PPFIA2: variants seen among roughly 807,000 people sequenced by gnomAD.
PPFIA2 encodes the protein liprin-alpha-2.
Under a neutral mutation model 175.5 loss-of-function variants are expected in PPFIA2, and 46 were observed. The observed-to-expected ratio is 0.26, with a 90% confidence interval of 0.21 to 0.34. PPFIA2 has a LOEUF of 0.34. Among genes scored for constraint, PPFIA2 ranks in the 10% least tolerant of loss-of-function variants. The pLI is 1.00. For missense variants in PPFIA2, 1,179 were observed against 1,506.1 expected (o/e 0.78, Z 3.60); for synonymous variants, 568 against 511.4 (o/e 1.11, Z -1.49).
intron 3 of PPFIA2, among the ~76,000 whole-genome samples, chr12:81,733,960 A>G (rs750055564): frequency 6.6e-6 from 1 of 151,790 alleles, no homozygotes; most frequent in Non-Finnish European, 1.5e-5. Flanking sequence ...AAACTAGATA[A>G]CGTGCCTGCT....
intron 22 of PPFIA2, among the ~76,000 whole-genome samples, chr12:81,318,018 A>G (rs978276220): frequency 2.6e-5 from 4 of 151,684 alleles, no homozygotes; most frequent in African/African-American, 4.8e-5. Flanking sequence ...GTGATTGCTA[A>G]TAATTCTCCT....
At chr12:81,410,096 G>A (rs1592554156) in intron 7 of PPFIA2, among the ~76,000 whole-genome samples, 4 of 152,076 alleles carry the variant, frequency 2.6e-5, no homozygotes, top group Admixed American at 6.6e-5. Context: ...AGGACGCATT[G>A]TTCAGGGTGC....
intron 5 of PPFIA2, among the ~76,000 whole-genome samples, chr12:81,449,701 C>G (rs1318648506): frequency 6.6e-6 from 1 of 151,962 alleles, no homozygotes; most frequent in Non-Finnish European, 1.5e-5. Flanking sequence ...AGGTTTATTA[C>G]ATATGTATAC....
chr12:81,600,872 C>T (rs2059719730), intron 4 of PPFIA2, among the ~76,000 whole-genome samples: 1 of 151,904 alleles, frequency 6.6e-6, no homozygotes, highest in Non-Finnish European at 1.5e-5. Context: ...AATATAAACT[C>T]CATGTACTTT....
intron 8 of PPFIA2, among the ~76,000 whole-genome samples, chr12:81,403,917 A>C (rs1015547859): frequency 6.6e-6 from 1 of 152,114 alleles, no homozygotes; most frequent in Non-Finnish European, 1.5e-5. Flanking sequence ...GAATCTCTCA[A>C]GTTGCCCATT....
intron 4 of PPFIA2, among the ~76,000 whole-genome samples, chr12:81,462,607 T>TATATATATATATATATAA (rs1566933960): frequency 8.8e-6 from 1 of 113,216 alleles, no homozygotes; most frequent in Non-Finnish European, 2.0e-5. Flanking sequence ...TATATATATA[T>TATATATATATATATATAA]AATATAGCGA....
chr12:81,523,807 A>G (rs1447737262), intron 4 of PPFIA2, among the ~76,000 whole-genome samples: 1 of 152,172 alleles, frequency 6.6e-6, no homozygotes, highest in Non-Finnish European at 1.5e-5. Context: ...TAACCCACCA[A>G]TAGCTGCTAA....
chr12:81,566,793 A>C (rs940365536), intron 4 of PPFIA2, among the ~76,000 whole-genome samples: 1 of 152,150 alleles, frequency 6.6e-6, no homozygotes, highest in Non-Finnish European at 1.5e-5. Context: ...GACTGTATTT[A>C]TACAAGATAC....
chr12:81,396,195 C>T (rs546047227), intron 8 of PPFIA2, among the ~76,000 whole-genome samples: 1 of 152,080 alleles, frequency 6.6e-6, no homozygotes, highest in East Asian at 1.9e-4. Flanking sequence ...TTCTTGAACA[C>T]GTATTTATTA....
At chr12:81,488,598 T>A (rs969616999) in intron 4 of PPFIA2, among the ~76,000 whole-genome samples, 1 of 151,834 alleles carries the variant, frequency 6.6e-6, no homozygotes, top group African/African-American at 2.4e-5. Flanking sequence ...ATTTTACTAA[T>A]TTTGCATTGT....
intron 4 of PPFIA2, among the ~76,000 whole-genome samples, chr12:81,665,600 A>G (rs1185398735): frequency 6.6e-6 from 1 of 152,062 alleles, no homozygotes; most frequent in Non-Finnish European, 1.5e-5. Flanking sequence ...AGTGGTAAAC[A>G]TTTAGAGAGG....
At chr12:81,663,685 C>G (rs545635480) in intron 4 of PPFIA2, among the ~76,000 whole-genome samples, 1 of 152,136 alleles carries the variant, frequency 6.6e-6, no homozygotes, top group Non-Finnish European at 1.5e-5. Context: ...TTGGAAAAAA[C>G]CACTTTAAAG....
chr12:81,531,221 C>T lies in PPFIA2; in HGVS notation c.304-73355G>A, dbSNP rs117523908. On this transcript the variant is annotated intron_variant, in intron 4 of 32. Transcript: ENST00000549396. The stretch of plus-strand genomic sequence containing the variant: ...CATAAATAGTACAAAATTTATTCAT[C>T]CAAAAATACCAATTAAGTAGTTAGT... Among the ~76,000 whole-genome samples, 955 of 151,928 alleles carry T rather than the reference C, an allele frequency of 6.3e-3. 6 individuals are homozygous for T. Among genetic ancestry groups the T allele is most frequent in the Non-Finnish European group, 0.01 (706 of 67,890 alleles).
At chr12:81,309,874 C>T (rs1297829796) in intron 22 of PPFIA2, among the ~76,000 whole-genome samples, 9 of 152,032 alleles carry the variant, frequency 5.9e-5, no homozygotes, top group Non-Finnish European at 1.3e-4. Flanking sequence ...GACACACACA[C>T]ACATACACAC....
intron 4 of PPFIA2, among the ~76,000 whole-genome samples, chr12:81,664,286 C>T (rs1250627162): frequency 6.6e-6 from 1 of 152,006 alleles, no homozygotes; most frequent in African/African-American, 2.4e-5. Context: ...TTGCAATCTA[C>T]TCATCTGACA....
chr12:81,737,121 C>CA (rs201957973), intron 3 of PPFIA2, among the ~76,000 whole-genome samples: 6,649 of 146,932 alleles, frequency 0.045, 204 homozygotes, highest in Middle Eastern at 0.065. Context: ...TTAATAAAGG[C>CA]AAAAAAAAAC....
chr12:81,299,471 C>T (rs1242641002), intron 22 of PPFIA2, 89 bp from the exon 23 acceptor site: 1 of 1,454,358 alleles, frequency 6.9e-7, no homozygotes, highest in African/African-American at 1.4e-5. Flanking sequence ...AATAACCAAT[C>T]ATCCTTTACA....
rs1344398658 is a variant in PPFIA2 at position 81,361,542 on chromosome 12, A to G, written c.1637+1151T>C. ...ATTCAATTGAGTATGGAAGTACTTAAAATATCAAATATTGTTTTTCCTTAC... is the reference window on the plus strand; with the variant it reads ...ATTCAATTGAGTATGGAAGTACTTAGAATATCAAATATTGTTTTTCCTTAC... On this transcript the variant is annotated intron_variant, in intron 15 of 32. Transcript: ENST00000549396. 3.3e-5 allele frequency among the ~76,000 whole-genome samples: 5 copies of G among 151,644 alleles called. No individual in the cohort carries two copies. The East Asian group carries it at 7.7e-4, about 23-fold the overall frequency.
At chr12:81,560,274 G>C (rs1296196388) in intron 4 of PPFIA2, among the ~76,000 whole-genome samples, 1 of 150,766 alleles carries the variant, frequency 6.6e-6, no homozygotes, top group Middle Eastern at 3.4e-3. Context: ...GTGTGTGTGT[G>C]AGAGAGAGAG....
Sources: gnomAD v4.1 joint callset for allele counts (sites outside exome capture counted in the v4.1 genomes callset) on GRCh38, gnomAD v4.1.1 for gene constraint, MANE v1.5 for transcripts, NCBI Gene and HGNC (gene_info 2026-07-23, HGNC 2026-07-21) for gene names.